Variants in CADPS observed in about 807,000 individuals in gnomAD.
CADPS encodes calcium-dependent secretion activator 1.
In CADPS, 57 loss-of-function variants were observed where a neutral mutation model predicts 167.3. That is an observed-to-expected ratio of 0.34 (90% confidence interval 0.28 to 0.42). CADPS has a LOEUF of 0.42. Among genes scored for constraint, CADPS ranks in the 20% least tolerant of loss-of-function variants. The pLI is 1.00. For missense variants in CADPS, 1,414 were observed against 1,738.1 expected (o/e 0.81, Z 3.32); for synonymous variants, 676 against 635.3 (o/e 1.06, Z -0.96).
intron 10 of CADPS, among the ~76,000 whole-genome samples, chr3:62,555,172 T>C (rs987136169): frequency 9.2e-5 from 14 of 152,234 alleles, no homozygotes; most frequent in Admixed American, 7.8e-4. Flanking sequence ...CATGGAAAGA[T>C]AGAAGAAGCT....
At chr3:62,739,281 C>G (rs71296795) in intron 3 of CADPS, among the ~76,000 whole-genome samples, 11,760 of 152,218 alleles carry the variant, frequency 0.077, 595 homozygotes, top group Non-Finnish European at 0.11. Context: ...AGTCATCTGG[C>G]CTTCTAATAG....
intron 3 of CADPS, among the ~76,000 whole-genome samples, chr3:62,680,766 C>T (rs2077036750): frequency 6.6e-6 from 1 of 151,834 alleles, no homozygotes; most frequent in Non-Finnish European, 1.5e-5. Flanking sequence ...ATGAAAGTAC[C>T]ACCCAGATGC....
intron 1 of CADPS, among the ~76,000 whole-genome samples, chr3:62,795,125 C>T (rs1215313534): frequency 6.6e-6 from 1 of 152,064 alleles, no homozygotes; most frequent in Non-Finnish European, 1.5e-5. Flanking sequence ...TCTCTATATA[C>T]GAATAGACTT....
rs199817329 is a variant in CADPS at position 62,610,238 on chromosome 3, TTTTCTTTTC to T, written c.1326-17499_1326-17491del. 6.2e-3 allele frequency among the ~76,000 whole-genome samples: 940 copies of T among 151,876 alleles called. 8 individuals are homozygous for T. The highest frequency in any genetic ancestry group is 0.02 in the African/African-American group (843 of 41,360). ...TCTTTCTTTCTTTTCTTTTTCTTCC[TTTTCTTTTC>T]TTTCTTTTCTTTCTTTCTTCCTTTT... On this transcript the variant is annotated intron_variant, in intron 6 of 29. Transcript: ENST00000383710.
chr3:62,625,538 T>G (rs2063911134), intron 6 of CADPS: 1 of 150,726 alleles, frequency 6.6e-6, no homozygotes, highest in Non-Finnish European at 1.5e-5. Context: ...TGTACTTGTT[T>G]CTTTAAGCTC....
At chr3:62,858,237 T>C (rs1342422900) in intron 1 of CADPS, among the ~76,000 whole-genome samples, 1 of 152,150 alleles carries the variant, frequency 6.6e-6, no homozygotes, top group Non-Finnish European at 1.5e-5. Flanking sequence ...CTCAAATTAT[T>C]TCCATAGTTC....
intron 18 of CADPS, 91 bp downstream of exon 18, chr3:62,499,071 A>T (rs2065277365): frequency 1.4e-6 from 1 of 707,934 alleles, no homozygotes; most frequent in Non-Finnish European, 2.5e-6. Flanking sequence ...AATGGGTGTT[A>T]AGGCATCTTA....
At chr3:62,542,974 T>G (rs1321428193) in intron 11 of CADPS, among the ~76,000 whole-genome samples, 4 of 152,184 alleles carry the variant, frequency 2.6e-5, no homozygotes, top group Admixed American at 2.0e-4. Flanking sequence ...TATACCTGAT[T>G]AATAATCTTA....
At chr3:62,494,144 A>T (rs919988189) in intron 18 of CADPS, among the ~76,000 whole-genome samples, 6 of 152,214 alleles carry the variant, frequency 3.9e-5, no homozygotes, top group African/African-American at 1.2e-4. Flanking sequence ...AGAAAGAGTC[A>T]CATCTGCAAT....
chr3:62,525,650 G>C (rs1001771346), intron 13 of CADPS, among the ~76,000 whole-genome samples: 1 of 150,332 alleles, frequency 6.7e-6, no homozygotes, highest in African/African-American at 2.5e-5. Context: ...TGGGAAAAAG[G>C]GTTGAGAAGC....
At chr3:62,489,327 AT>A (rs1279028300) in intron 21 of CADPS, among the ~76,000 whole-genome samples, 3 of 151,906 alleles carry the variant, frequency 2.0e-5, no homozygotes, top group Non-Finnish European at 4.4e-5. Context: ...CGCCCAGCTA[AT>A]TTTTTGTATT....
chr3:62,798,652 C>G (rs540722011), intron 1 of CADPS, among the ~76,000 whole-genome samples: 1 of 150,690 alleles, frequency 6.6e-6, no homozygotes, highest in Admixed American at 6.6e-5. Context: ...ATTTTCTACT[C>G]ATCTTTTAAA....
chr3:62,851,713 T>G (rs1004415239), intron 1 of CADPS, among the ~76,000 whole-genome samples: 2 of 147,836 alleles, frequency 1.4e-5, no homozygotes, highest in African/African-American at 5.0e-5. Context: ...TAACATTTTT[T>G]CCTTCATTTC....
chr3:62,725,452 T>G (rs184103051), intron 3 of CADPS, among the ~76,000 whole-genome samples: 170 of 152,310 alleles, frequency 1.1e-3, no homozygotes, highest in African/African-American at 3.5e-3. Context: ...AAGGAAAAGT[T>G]AGTATAGCAG....
chr3:62,481,750 G>A lies in CADPS; in HGVS notation c.3146C>T (p.Ser1049Leu). Residue 1049 changes from serine to leucine, a missense_variant, in exon 22 of 30, where the codon TCA (serine) becomes TTA (leucine). Around this residue, in one of 6 missense-constraint regions of CADPS, gnomAD observed 529 missense variants for 629.6 expected, o/e 0.84. Transcript: ENST00000383710. ...CGCATCATATATAGCAGCCATCCAT[G>A]ACGGTGCCGAAAAAGTAGGCATTTG... is the stretch of plus-strand genomic sequence containing the variant. Reference protein sequence around the residue: ...IPQMPTFSAPSWMAAIYDADN... With the variant: ...IPQMPTFSAPLWMAAIYDADN... 6.2e-7 allele frequency: 1 copy of A among 1,608,890 alleles called. No individual in the cohort carries two copies. Among genetic ancestry groups the A allele is most frequent in the Non-Finnish European group, 8.5e-7 (1 of 1,178,426 alleles).
chr3:62,474,682 G>A (rs1276632490), intron 23 of CADPS, among the ~76,000 whole-genome samples: 2 of 152,084 alleles, frequency 1.3e-5, no homozygotes, highest in Non-Finnish European at 2.9e-5. Context: ...TGCCTACCTT[G>A]AATTACTTCA....
intron 6 of CADPS, among the ~76,000 whole-genome samples, chr3:62,606,663 G>C (rs918748648): frequency 2.0e-5 from 3 of 152,216 alleles, no homozygotes; most frequent in African/African-American, 7.2e-5. Context: ...CATCCTTGCA[G>C]CTTGACTTTA....
intron 6 of CADPS, among the ~76,000 whole-genome samples, chr3:62,611,435 C>T (rs774598070): frequency 2.4e-4 from 36 of 152,216 alleles, no homozygotes; most frequent in Non-Finnish European, 4.6e-4. Flanking sequence ...TTCTAACTTG[C>T]TTTTCTACAT....
chr3:62,781,995 T>A (rs1395185717), intron 1 of CADPS, among the ~76,000 whole-genome samples: 3 of 152,204 alleles, frequency 2.0e-5, no homozygotes, highest in Non-Finnish European at 2.9e-5. Context: ...CAATTTCTAG[T>A]CACTCATTTC....
Sources: allele counts gnomAD v4.1 joint callset (sites outside exome capture counted in the v4.1 genomes callset), GRCh38; gene constraint gnomAD v4.1.1; regional missense constraint gnomAD v4.1.1; transcripts MANE v1.5; gene names NCBI Gene and HGNC (gene_info 2026-07-23, HGNC 2026-07-21).